Variants in RASA3 observed in about 807,000 individuals in gnomAD.
RASA3 encodes the protein ras GTPase-activating protein 3.
In RASA3, 73 loss-of-function variants were observed where a neutral mutation model predicts 110.0. That is an observed-to-expected ratio of 0.66 (90% CI 0.55 to 0.81). The LOEUF (loss-of-function observed/expected upper bound fraction) is 0.81. RASA3 is among the 30% of genes least tolerant of loss of function. The pLI, the probability that RASA3 is intolerant of heterozygous loss-of-function variation, is 0.00. For missense variants in RASA3, 976 were observed against 1,113.2 expected (o/e 0.88, Z 1.75); for synonymous variants, 500 against 451.4 (o/e 1.11, Z -1.37).
intron 1 of RASA3, among the ~76,000 whole-genome samples, chr13:114,075,306 A>G (rs1012188846): frequency 1.1e-4 from 16 of 152,184 alleles, no homozygotes; most frequent in African/African-American, 3.6e-4. Context: ...CATTTCAAAG[A>G]TGCCAGTTTG....
chr13:114,034,792 G>C (rs1163304533), intron 4 of RASA3, among the ~76,000 whole-genome samples: 2 of 152,208 alleles, frequency 1.3e-5, no homozygotes, highest in Non-Finnish European at 2.9e-5. Context: ...AAATGAAAGT[G>C]TTACTCATCA....
chr13:114,012,698 C>T (rs1379706749), intron 15 of RASA3, among the ~76,000 whole-genome samples: 1 of 135,848 alleles, frequency 7.4e-6, no homozygotes, highest in Non-Finnish European at 1.6e-5. Context: ...TCCACACACT[C>T]CTCATTCCAC....
chr13:114,005,780 C>A (rs992042029), intron 18 of RASA3, among the ~76,000 whole-genome samples: 1 of 149,768 alleles, frequency 6.7e-6, no homozygotes, highest in African/African-American at 2.5e-5. Context: ...CCCTTCTCCC[C>A]CCTCCTGCCC....
intron 3 of RASA3, 94 bp downstream of exon 3, chr13:114,051,958 A>G (rs1370963859): frequency 3.0e-6 from 3 of 1,000,238 alleles, no homozygotes; most frequent in East Asian, 5.0e-5. Flanking sequence ...GCGACCCCTC[A>G]GCACCATCCA....
chr13:113,992,132 C>T (rs9525345), intron 22 of RASA3, among the ~76,000 whole-genome samples: 8,848 of 152,292 alleles, frequency 0.058, 495 homozygotes, highest in East Asian at 0.2. Context: ...TACGTGTGTC[C>T]GCACACATGC....
intron 1 of RASA3, among the ~76,000 whole-genome samples, chr13:114,099,622 AGC>A (rs1491102057): frequency 1.6e-4 from 2 of 12,268 alleles, no homozygotes; most frequent in African/African-American, 3.5e-4. Flanking sequence ...CCCCCACAGC[AGC>A]CCCCCCACAG....
In RASA3 at chr13:114,048,420, G is replaced by A. The variant is rs1316477933; in HGVS notation, c.277+3632C>T. On this transcript the variant is annotated intron_variant, in intron 3 of 23. Transcript: ENST00000334062. This position sits in a 1 kb window ranked among gnomAD's most constrained non-coding sequence, Gnocchi z 4.3. ...GGGGCTGGAGGGGCAAATGGAGGGG[G>A]ACATGGTGCTACCAGAGCCGGGGCC... Among the ~76,000 whole-genome samples, 1 of 152,154 alleles carries A rather than the reference G, an allele frequency of 6.6e-6. No individual in the cohort carries two copies. Among genetic ancestry groups the A allele is most frequent in the Non-Finnish European group, 1.5e-5 (1 of 68,008 alleles).
Position 114,021,270 on chromosome 13 carries a change from AAAGT to A in RASA3, c.785+130_785+133del, listed in dbSNP as rs550058236. Reference sequence around the variant, plus strand: ...GCCAGAGCTCGTCAGAGCTACATGCAAAGTAAGAGCAGGTGGGTGCTGGGCACAG... The same window carrying A: ...GCCAGAGCTCGTCAGAGCTACATGCAAAGAGCAGGTGGGTGCTGGGCACAG... On this transcript the variant is annotated intron_variant, in intron 9 of 23. Coordinates refer to ENST00000334062, the MANE Select transcript of RASA3 (RefSeq NM_007368.4). 2.6e-4 allele frequency: 183 copies of A among 709,796 alleles called. No individual in the cohort carries two copies. The African/African-American group carries it at 2.9e-3, about 11-fold the overall frequency. The allele number at this position is 709,796 out of a possible 1,614,324, so 44.0% of individuals were successfully genotyped here.
At chr13:114,039,278 C>T (rs1326289760) in intron 4 of RASA3, among the ~76,000 whole-genome samples, 1 of 152,056 alleles carries the variant, frequency 6.6e-6, no homozygotes, top group Non-Finnish European at 1.5e-5. Context: ...TACACTCAGA[C>T]ACTCACTGCG....
At chr13:114,027,362 T>C (rs2054044946) in intron 7 of RASA3, 27 bp downstream of exon 7, 1 of 1,558,310 alleles carries the variant, frequency 6.4e-7, no homozygotes, top group Admixed American at 1.7e-5. Flanking sequence ...GAGTTTCCAC[T>C]TAACGTTGAC....
intron 1 of RASA3, among the ~76,000 whole-genome samples, chr13:114,088,890 C>T (rs565600476): frequency 3.2e-4 from 49 of 152,268 alleles, no homozygotes; most frequent in African/African-American, 1.1e-3. Context: ...AAAATGTTCC[C>T]TGGTTACTAA....
At chr13:114,029,524 C>T (rs1473183096) in intron 5 of RASA3, among the ~76,000 whole-genome samples, 4 of 128,760 alleles carry the variant, frequency 3.1e-5, no homozygotes, top group East Asian at 2.3e-4. Context: ...TCTAAAACGG[C>T]GTCATCCTGG....
intron 2 of RASA3, among the ~76,000 whole-genome samples, chr13:114,072,306 T>C (rs913795306): frequency 6.6e-6 from 1 of 152,228 alleles, no homozygotes; most frequent in Non-Finnish European, 1.5e-5. Flanking sequence ...ACACAAGTTC[T>C]GGTTGTGCTC....
intron 1 of RASA3, among the ~76,000 whole-genome samples, chr13:114,131,932 G>A (rs1394803131): frequency 6.6e-6 from 1 of 152,136 alleles, no homozygotes; most frequent in Non-Finnish European, 1.5e-5. Context: ...AGCGCGCCGG[G>A]GCCTCACGCC....
intron 4 of RASA3, among the ~76,000 whole-genome samples, chr13:114,040,546 TC>T (rs1566514894): frequency 2.2e-5 from 3 of 134,542 alleles, no homozygotes; most frequent in Non-Finnish European, 3.1e-5. Flanking sequence ...CCGCGCTCAC[TC>T]CGAGCACAAG....
chr13:114,075,232 G>A (rs1210134829), intron 1 of RASA3, among the ~76,000 whole-genome samples: 1 of 152,206 alleles, frequency 6.6e-6, no homozygotes, highest in Non-Finnish European at 1.5e-5. Context: ...CCGCCACTCC[G>A]CGCTGAATGT....
At chr13:114,021,120 C>T (rs558442107) in intron 9 of RASA3, among the ~76,000 whole-genome samples, 6 of 152,326 alleles carry the variant, frequency 3.9e-5, no homozygotes, top group South Asian at 4.1e-4. Flanking sequence ...GGCTTAGGGC[C>T]GCTTTCACCC....
chr13:114,039,033 C>G (rs546642964), intron 4 of RASA3, among the ~76,000 whole-genome samples: 25 of 152,258 alleles, frequency 1.6e-4, no homozygotes, highest in African/African-American at 5.1e-4. Flanking sequence ...CATACCAGCA[C>G]GCTTCACAAA....
chr13:114,040,537 C>T (rs61973887), intron 4 of RASA3, among the ~76,000 whole-genome samples: 23 of 132,992 alleles, frequency 1.7e-4, no homozygotes, highest in Admixed American at 4.4e-4. Flanking sequence ...TGGCGGAGCC[C>T]GCGCTCACTC....
Sources: gnomAD v4.1 joint callset for allele counts (sites outside exome capture counted in the v4.1 genomes callset) on GRCh38, gnomAD v4.1.1 for gene constraint, Gnocchi (gnomAD v3.1) non-coding constraint, MANE v1.5 for transcripts, NCBI Gene and HGNC (gene_info 2026-07-23, HGNC 2026-07-21) for gene names.